Variants in ANKRD65 observed in about 807,000 individuals in gnomAD.
The protein encoded by ANKRD65 is ankyrin repeat domain 65.
A neutral mutation model predicts 17.2 loss-of-function variants in ANKRD65; 26 were observed. The observed-to-expected ratio is 1.51, with a 90% confidence interval of 1.11 to 2.09. The LOEUF (loss-of-function observed/expected upper bound fraction) is 2.09, where lower values mean the gene tolerates loss of function less well. ANKRD65 is among the 30% of genes most tolerant of loss of function. ANKRD65 has a pLI of 0.00. For missense variants in ANKRD65, 621 were observed against 542.2 expected (o/e 1.15, Z -1.44); for synonymous variants, 311 against 272.2 (o/e 1.14, Z -1.40).
At position 1,418,766 on chromosome 1, in the gene ANKRD65, T is replaced by C. The variant is rs1275512204; in HGVS notation, c.*334A>G. ...GTTTCGGGCCTAGCGCCAGGCTGCC[T>C]GCCTGTCTTTGGTTTTACTTCCTTG... On this transcript the variant is annotated 3_prime_UTR_variant, in exon 4 of 4. Coordinates refer to ENST00000537107, the MANE Select transcript of ANKRD65 (RefSeq NM_001145210.3). The C allele has an allele frequency of 4.2e-6, 1 of 235,718 alleles. No homozygotes were observed. Among genetic ancestry groups the C allele is most frequent in the Non-Finnish European group, 8.2e-6 (1 of 122,558 alleles). The allele number at this position is 235,718 out of a possible 1,614,324, so 14.6% of individuals were successfully genotyped here.
Position 1,419,443 on chromosome 1 carries a change from T to G in ANKRD65, c.857A>C (p.Gln286Pro), listed in dbSNP as rs1645504056. The G allele has an allele frequency of 6.5e-7, 1 of 1,549,224 alleles. No individual in the cohort carries two copies. The highest frequency in any genetic ancestry group is 8.7e-7 in the Non-Finnish European group (1 of 1,146,840). ...AAARGHLLAVQLLVTQGAEVD... is the reference protein window; with the variant it reads ...AAARGHLLAVPLLVTQGAEVD... ...CTCGGCCCCCTGGGTGACCAGCAAC[T>G]GGACGGCAAGCAGGTGTCCTCGGGC... The change falls in exon 4 of 4, where the codon CAG becomes CCG. Residue 286 changes from glutamine (Q) to proline (P), a missense_variant. By Grantham distance (76) the Gln-to-Pro change is moderately conservative. Coordinates refer to ENST00000537107, the MANE Select transcript of ANKRD65 (RefSeq NM_001145210.3).
Position 1,418,957 on chromosome 1 carries a change from G to T in ANKRD65, c.*143C>A. On this transcript the variant is annotated 3_prime_UTR_variant, in exon 4 of 4. Coordinates refer to ENST00000537107, the MANE Select transcript of ANKRD65 (RefSeq NM_001145210.3). ...CATCCCTGGTCCAGCCAAGGCCTGT[G>T]ACTGCAGCTCAAGCCACATCCCCTA... 2.0e-6 allele frequency: 2 copies of T among 992,898 alleles called. No homozygotes were observed. Among genetic ancestry groups the T allele is most frequent in the Non-Finnish European group, 2.9e-6 (2 of 692,896 alleles). The allele number at this position is 992,898 out of a possible 1,614,324, so 61.5% of individuals were successfully genotyped here.
At chr1:1,419,672 T>C (rs1645509638) in intron 3 of ANKRD65, 123 bp from the exon 4 acceptor site, 5 of 940,038 alleles carry the variant, frequency 5.3e-6, no homozygotes, top group Admixed American at 5.8e-5. Context: ...CTGACACCAC[T>C]TCCTCATGTT....
chr1:1,420,128 C>T lies in ANKRD65; in HGVS notation c.674G>A (p.Arg225His). The change falls in exon 3 of 4, where the codon CGC becomes CAC. Residue 225 changes from arginine (R) to histidine (H), a missense_variant. Transcript: ENST00000537107. ...RGAALRFLLA[R>H]GARVDARDGA... ...ATCCCGGGCGTCCACCCGCGCCCCG[C>T]GCGCCAGGAGGAAGCGCAGCGCCGC... is the stretch of plus-strand genomic sequence containing the variant. The T allele has an allele frequency of 8.0e-7, 1 of 1,250,726 alleles. No homozygotes were observed. Among genetic ancestry groups the T allele is most frequent in the Non-Finnish European group, 1.0e-6 (1 of 998,548 alleles). The allele number at this position is 1,250,726 out of a possible 1,614,324, so 77.5% of individuals were successfully genotyped here. A position where few individuals can be genotyped will look rare whatever the true frequency, so the allele number is the denominator to read the frequency against.
In ANKRD65 at chr1:1,419,209, C is replaced by T. The variant is rs544200276; in HGVS notation, c.1091G>A (p.Arg364Gln). The T allele has an allele frequency of 9.2e-5, 143 of 1,549,812 alleles. No individual in the cohort carries two copies. The highest frequency in any genetic ancestry group is 3.8e-4 in the South Asian group (32 of 84,034). ...CTGGGCCACCTCGGCCCACTGCGTCCGCAGAGTGGGGCTGGCCCCTCGGCT... is the reference window on the plus strand; with the variant it reads ...CTGGGCCACCTCGGCCCACTGCGTCTGCAGAGTGGGGCTGGCCCCTCGGCT... ...LLSRGASPTL[R>Q]TQWAEVAQMP... Residue 364 changes from arginine to glutamine, a missense_variant, in exon 4 of 4, where the codon CGG (arginine) becomes CAG (glutamine). Arg to Gln is a conservative substitution (Grantham distance 43). Coordinates refer to ENST00000537107, the MANE Select transcript of ANKRD65 (RefSeq NM_001145210.3).
intron 3 of ANKRD65, 93 bp from the exon 4 acceptor site, chr1:1,419,642 C>T: frequency 8.4e-7 from 1 of 1,192,302 alleles, no homozygotes; most frequent in Non-Finnish European, 1.1e-6. Flanking sequence ...CTCTTCTGTC[C>T]CCGCAGCGGC....
intron 3 of ANKRD65, 123 bp from the exon 4 acceptor site, chr1:1,419,672 T>G: frequency 1.1e-6 from 1 of 940,154 alleles, no homozygotes; most frequent in Non-Finnish European, 1.5e-6. Flanking sequence ...CTGACACCAC[T>G]TCCTCATGTT....
Position 1,420,575 on chromosome 1 carries a change from G to A in ANKRD65, c.227C>T (p.Thr76Ile), listed in dbSNP as rs1645535588. 1 of 1,376,166 alleles carries A rather than the reference G, an allele frequency of 7.3e-7. No homozygotes were observed. The highest frequency in any genetic ancestry group is 3.1e-5 in the Admixed American group (1 of 32,006). 85.2% of individuals were successfully genotyped at this position (1,376,166 alleles called of 1,614,324 possible). A position where few individuals can be genotyped will look rare whatever the true frequency, so the allele number is the denominator to read the frequency against. ...SVEERDHAGRTPLHLAVLRGH... is the reference protein window; with the variant it reads ...SVEERDHAGRIPLHLAVLRGH... The stretch of plus-strand genomic sequence containing the variant: ...CCGCAGCACGGCCAGGTGGAGCGGG[G>A]TCCGGCCTGCGTGGTCCCTGAGGAG... The change falls in exon 3 of 4, where the codon ACC becomes ATC. Residue 76 changes from threonine to isoleucine, a missense_variant. Transcript: ENST00000537107.
In ANKRD65 at chr1:1,418,833, AGAGG is replaced by A. The variant is rs2100416612; in HGVS notation, c.*263_*266del. The A allele has an allele frequency of 9.2e-6, 4 of 436,626 alleles. No homozygotes were observed. In the East Asian group the frequency reaches 1.3e-4, roughly 15 times the overall value. The allele number at this position is 436,626 out of a possible 1,614,324, so 27.0% of individuals were successfully genotyped here. On this transcript the variant is annotated 3_prime_UTR_variant, in exon 4 of 4. Transcript: ENST00000537107. Reference sequence around the variant, plus strand: ...CAGGTACTGAGTATAAAACACTATGAGAGGGTCTCTCTTCCCTCATTGCCACAAC... The same window carrying A: ...CAGGTACTGAGTATAAAACACTATGAGTCTCTCTTCCCTCATTGCCACAAC...
At position 1,420,155 on chromosome 1, in the gene ANKRD65, C is replaced by A. The variant is rs1645521331; in HGVS notation, c.647G>T (p.Gly216Val). 8.6e-7 allele frequency: 1 copy of A among 1,167,766 alleles called. No homozygotes were observed. Among genetic ancestry groups the A allele is most frequent in the Non-Finnish European group, 1.1e-6 (1 of 948,526 alleles). The allele number at this position is 1,167,766 out of a possible 1,614,324, so 72.3% of individuals were successfully genotyped here. A position where few individuals can be genotyped will look rare whatever the true frequency, so the allele number is the denominator to read the frequency against. The part of the protein sequence containing the change: ...ALLVAAAAGR[G>V]AALRFLLARG... Reference sequence around the variant, plus strand: ...CGCCAGGAGGAAGCGCAGCGCCGCCCCGCGCCCCGCAGCGGCAGCCACGAG... The same window carrying A: ...CGCCAGGAGGAAGCGCAGCGCCGCCACGCGCCCCGCAGCGGCAGCCACGAG... Residue 216 changes from glycine to valine, a missense_variant, in exon 3 of 4, where the codon GGG becomes GTG. Gly to Val is a moderately radical substitution (Grantham distance 109). Coordinates refer to ENST00000537107, the MANE Select transcript of ANKRD65 (RefSeq NM_001145210.3).
In ANKRD65 at chr1:1,419,584, GC is replaced by G. The variant is rs779475836; in HGVS notation, c.751-36del. ...GAGAGAAAAGCAGGGGCCGGCCTCA[GC>G]CCGGTAGGCGAGGGGCAGAGCCACC... On this transcript the variant is annotated intron_variant, in intron 3 of 3. Transcript: ENST00000537107. The G allele has an allele frequency of 3.4e-6, 5 of 1,483,562 alleles. No homozygotes were observed. In the South Asian group the frequency reaches 6.5e-5, roughly 19 times the overall value. The allele number at this position is 1,483,562 out of a possible 1,614,324, so 91.9% of individuals were successfully genotyped here. A position where few individuals can be genotyped will look rare whatever the true frequency, so the allele number is the denominator to read the frequency against.
rs574552814 is a variant in ANKRD65 at position 1,419,468 on chromosome 1, C to T, written c.832G>A (p.Ala278Thr). 2.8e-5 allele frequency: 43 copies of T among 1,548,182 alleles called. 1 individual carries two copies. The East Asian group carries it at 8.3e-4, about 30-fold the overall frequency. ...TGGACGGCAAGCAGGTGTCCTCGGGCGGCAGCCCTGTGCAGCGCAGAGCGG... is the reference window on the plus strand; with the variant it reads ...TGGACGGCAAGCAGGTGTCCTCGGGTGGCAGCCCTGTGCAGCGCAGAGCGG... Reference protein sequence around the residue: ...HGRSALHRAAARGHLLAVQLL... With the variant: ...HGRSALHRAATRGHLLAVQLL... Residue 278 changes from alanine to threonine, a missense_variant, in exon 4 of 4, where the codon GCC (alanine) becomes ACC (threonine). Physicochemically the swap from Ala to Thr is moderately conservative, Grantham distance 58 (BLOSUM62 0). Transcript: ENST00000537107.
At position 1,419,337 on chromosome 1, in the gene ANKRD65, C is replaced by G. The variant is rs147239403; in HGVS notation, c.963G>C (p.Leu321=). 1.0e-3 allele frequency: 1,588 copies of G among 1,550,404 alleles called. 7 individuals are homozygous for G. Among genetic ancestry groups the G allele is most frequent in the African/African-American group, 9.2e-3 (671 of 73,180 alleles). ...REGHVEVAGC[L]LDRGAQVDAT... ...CATCCACCTGGGCACCCCTGTCCAG[C>G]AGGCAGCCGGCAACCTCCACGTGGC... Residue 321 remains leucine (L), a synonymous_variant, in exon 4 of 4, where the codon CTG becomes CTC. Coordinates refer to ENST00000537107, the MANE Select transcript of ANKRD65 (RefSeq NM_001145210.3).
chr1:1,419,585 C>A (rs1401168558), intron 3 of ANKRD65, 36 bp from the exon 4 acceptor site: 1 of 1,483,646 alleles, frequency 6.7e-7, no homozygotes, highest in Admixed American at 2.1e-5. Context: ...CCGGCCTCAG[C>A]CCGGTAGGCG....
In ANKRD65 at chr1:1,419,794, G is replaced by A. The variant is rs568690673; in HGVS notation, c.751-245C>T. On this transcript the variant is annotated intron_variant, in intron 3 of 3. Coordinates refer to ENST00000537107, the MANE Select transcript of ANKRD65 (RefSeq NM_001145210.3). ...AACACCCTGCCCGCTGCCCAGGAACGGGGGTCTCAGGCACAGGCCCGGCGC... is the reference window on the plus strand; with the variant it reads ...AACACCCTGCCCGCTGCCCAGGAACAGGGGTCTCAGGCACAGGCCCGGCGC... Among the ~76,000 whole-genome samples the A allele has an allele frequency of 2.6e-5, 4 of 152,316 alleles. No individual in the cohort carries two copies. In the South Asian group the frequency reaches 8.3e-4, roughly 32 times the overall value.
chr1:1,419,253 A>C lies in ANKRD65; in HGVS notation c.1047T>G (p.Pro349=), dbSNP rs1386784062. Residue 349 remains proline (P), a synonymous_variant, in exon 4 of 4, where the codon CCT becomes CCG. Transcript: ENST00000537107. ...CTCGGCTCAGCAGAAGCCCCACGGT[A>C]GGCCCATGCCCTCGCTCTGCAGCCA... is the stretch of plus-strand genomic sequence containing the variant. The part of the protein sequence containing the change: ...LHLAAERGHG[P]TVGLLLSRGA... The C allele has an allele frequency of 6.5e-7, 1 of 1,550,300 alleles. No individual in the cohort carries two copies. The highest frequency in any genetic ancestry group is 2.0e-5 in the Admixed American group (1 of 51,008).
At position 1,420,042 on chromosome 1, in the gene ANKRD65, C is replaced by T; in HGVS notation, c.750+10G>A. On this transcript the variant is annotated intron_variant, in intron 3 of 3. Coordinates refer to ENST00000537107, the MANE Select transcript of ANKRD65 (RefSeq NM_001145210.3). ...CCTCCCATCACTGCCGGGCGGAGGG[C>T]GGGACGTACCTGGGAGCGGCCTAGG... is the stretch of plus-strand genomic sequence containing the variant. 1 of 1,268,578 alleles carries T rather than the reference C, an allele frequency of 7.9e-7. No individual in the cohort carries two copies. Among genetic ancestry groups the T allele is most frequent in the Non-Finnish European group, 9.9e-7 (1 of 1,006,994 alleles). 78.6% of individuals were successfully genotyped at this position (1,268,578 alleles called of 1,614,324 possible). A position where few individuals can be genotyped will look rare whatever the true frequency, so the allele number is the denominator to read the frequency against.
chr1:1,419,126 A>G lies in ANKRD65; in HGVS notation c.1174T>C (p.Cys392Arg), dbSNP rs1427807640. The G allele has an allele frequency of 1.8e-5, 28 of 1,523,918 alleles. No homozygotes were observed. The highest frequency in any genetic ancestry group is 1.9e-5 in the Non-Finnish European group (22 of 1,130,288). The allele number at this position is 1,523,918 out of a possible 1,614,324, so 94.4% of individuals were successfully genotyped here. A position where few individuals can be genotyped will look rare whatever the true frequency, so the allele number is the denominator to read the frequency against. Residue 392 changes from cysteine (C) to arginine (R), a missense_variant, in exon 4 of 4, where the codon TGT becomes CGT. Cys to Arg is a radical substitution (Grantham distance 180). Transcript: ENST00000537107. Reference sequence around the variant, plus strand: ...CAGCCCGTGGACTCTATGCCCTCACACTCCTTCTCCCCCCCTCCAAGTTCA... The same window carrying G: ...CAGCCCGTGGACTCTATGCCCTCACGCTCCTTCTCCCCCCCTCCAAGTTCA... ...LPELGGGEKE[C>R]EGIESTG
chr1:1,419,989 C>T (rs1366955146), intron 3 of ANKRD65, 63 bp downstream of exon 3: 3 of 1,218,134 alleles, frequency 2.5e-6, no homozygotes, highest in African/African-American at 3.2e-5. Flanking sequence ...CCCGGTGGCA[C>T]GTCTCTGGGG....
Sources: allele counts gnomAD v4.1 joint callset (sites outside exome capture counted in the v4.1 genomes callset), GRCh38; gene constraint gnomAD v4.1.1; transcripts MANE v1.5; gene names NCBI Gene and HGNC (gene_info 2026-07-23, HGNC 2026-07-21).